HECTD2: variants seen among roughly 807,000 people sequenced by gnomAD.
HECTD2 encodes the protein HECT domain E3 ubiquitin protein ligase 2, also known as probable E3 ubiquitin-protein ligase HECTD2.
A neutral mutation model predicts 103.2 loss-of-function variants in HECTD2; 35 were observed. The ratio of observed to expected loss-of-function variants is 0.34; its 90% CI spans 0.26 to 0.45. The LOEUF is 0.45. Among genes scored for constraint, HECTD2 ranks in the 20% least tolerant of loss-of-function variants. The pLI is 1.00. For missense variants in HECTD2, 596 were observed against 937.4 expected (o/e 0.64, Z 4.76); for synonymous variants, 281 against 329.9 (o/e 0.85, Z 1.61).
intron 20 of HECTD2, among the ~76,000 whole-genome samples, chr10:91,504,235 G>C (rs1054767615): frequency 6.6e-6 from 1 of 152,196 alleles, no homozygotes; most frequent in African/African-American, 2.4e-5. Context: ...CTCCTCCAAA[G>C]GAACGCAGCT....
intron 6 of HECTD2, among the ~76,000 whole-genome samples, chr10:91,480,868 A>G (rs1846065951): frequency 6.6e-6 from 1 of 152,146 alleles, no homozygotes; most frequent in African/African-American, 2.4e-5. Flanking sequence ...AAAATGTTAT[A>G]GCCTAGTTAG....
chr10:91,483,347 A>G (rs1375575374), intron 8 of HECTD2, among the ~76,000 whole-genome samples: 2 of 151,926 alleles, frequency 1.3e-5, no homozygotes, highest in African/African-American at 2.4e-5. Context: ...GCACATTCCT[A>G]TTATTGGTTT....
At position 91,513,014 on chromosome 10, in the gene HECTD2, C is replaced by T. The variant is rs1241424544; in HGVS notation, c.*630C>T. ...AAGATTTATTTTTACAAAGTAAATT[C>T]AGGGTTTTAGATGTGTACACAGCTT... On this transcript the variant is annotated 3_prime_UTR_variant, in exon 21 of 21. Coordinates refer to ENST00000298068, the MANE Select transcript of HECTD2 (RefSeq NM_182765.6). 6.6e-6 allele frequency: 1 copy of T among 152,572 alleles called. No homozygotes were observed. The highest frequency in any genetic ancestry group is 1.5e-5 in the Non-Finnish European group (1 of 68,050). The allele number at this position is 152,572 out of a possible 1,614,324, so 9.5% of individuals were successfully genotyped here. A position where few individuals can be genotyped will look rare whatever the true frequency, so the allele number is the denominator to read the frequency against.
intron 2 of HECTD2, among the ~76,000 whole-genome samples, chr10:91,443,690 C>T (rs1383787077): frequency 6.6e-6 from 1 of 152,106 alleles, no homozygotes; most frequent in South Asian, 2.1e-4. Context: ...ACAGTCGCCC[C>T]TTCCCCCAGG....
At chr10:91,498,767 AGAAG>A (rs923715151) in intron 16 of HECTD2, 101 bp from the exon 17 acceptor site, 3 of 645,940 alleles carry the variant, frequency 4.6e-6, no homozygotes, top group South Asian at 2.1e-5. Context: ...TTATGTGTTT[AGAAG>A]GAAGGGGGAA....
intron 11 of HECTD2, 142 bp from the exon 12 acceptor site, chr10:91,491,053 CAAAAT>C (rs1447736335): frequency 2.2e-6 from 1 of 448,514 alleles, no homozygotes; most frequent in African/African-American, 2.1e-5. Flanking sequence ...TTTCACAAAT[CAAAAT>C]GTGTATAATT....
intron 2 of HECTD2, among the ~76,000 whole-genome samples, chr10:91,457,755 C>G (rs2133189131): frequency 6.6e-6 from 1 of 152,052 alleles, no homozygotes; most frequent in Non-Finnish European, 1.5e-5. Flanking sequence ...ACAAGGATGT[C>G]TGCTCTCAGC....
chr10:91,469,018 G>A (rs1269987075), intron 5 of HECTD2, among the ~76,000 whole-genome samples: 1 of 149,874 alleles, frequency 6.7e-6, no homozygotes, highest in Non-Finnish European at 1.5e-5. Flanking sequence ...GAATTTCAGA[G>A]CTCAAAGACT....
At chr10:91,443,484 C>T (rs1844453112) in intron 2 of HECTD2, among the ~76,000 whole-genome samples, 1 of 151,632 alleles carries the variant, frequency 6.6e-6, no homozygotes, top group South Asian at 2.1e-4. Context: ...TGCCAGATGC[C>T]AGCTGGAGCT....
chr10:91,491,383 CTTT>C (rs1846472945), intron 12 of HECTD2, 76 bp downstream of exon 12: 2 of 700,488 alleles, frequency 2.9e-6, no homozygotes, highest in Non-Finnish European at 4.7e-6. Flanking sequence ...TCATAGTAAA[CTTT>C]TTTATTTCTG....
intron 8 of HECTD2, 111 bp from the exon 9 acceptor site, chr10:91,484,396 G>T: frequency 7.0e-7 from 1 of 1,436,872 alleles, no homozygotes; most frequent in Non-Finnish European, 9.5e-7. Context: ...AATAGAATTT[G>T]GGGGAATAGT....
At chr10:91,489,409 A>G (rs1031283535) in intron 11 of HECTD2, 5 of 152,212 alleles carry the variant, frequency 3.3e-5, no homozygotes, top group Admixed American at 6.5e-5. Flanking sequence ...ATATGGTACA[A>G]TCTAAATATA....
At position 91,478,242 on chromosome 10, in the gene HECTD2, C is replaced by T. The variant is rs778601867; in HGVS notation, c.642C>T (p.Asn214=). The change falls in exon 6 of 21, where the codon AAC becomes AAT. Residue 214 remains asparagine, a synonymous_variant. Coordinates refer to ENST00000298068, the MANE Select transcript of HECTD2 (RefSeq NM_182765.6). ...VQKTVLKGII[N]SLLREWKGPR... ...AGACAGTATTAAAGGGAATCATTAACAGCCTGTTACGAGAATGGAAAGGGT... is the reference window on the plus strand; with the variant it reads ...AGACAGTATTAAAGGGAATCATTAATAGCCTGTTACGAGAATGGAAAGGGT... 4.6e-5 allele frequency: 74 copies of T among 1,608,124 alleles called. 1 individual carries two copies. Among genetic ancestry groups the T allele is most frequent in the Non-Finnish European group, 6.1e-5 (72 of 1,174,898 alleles).
rs878865652 is a variant in HECTD2 at position 91,512,253 on chromosome 10, T to C, written c.2211-11T>C. ...CAAGACTTAGTATTTTTTTTTAATT[T>C]TTTTCCCTAGCTTACCTGTGGCCCA... On this transcript the variant is annotated splice_polypyrimidine_tract_variant and intron_variant, in intron 20 of 20. Coordinates refer to ENST00000298068, the MANE Select transcript of HECTD2 (RefSeq NM_182765.6). The C allele has an allele frequency of 2.5e-6, 4 of 1,606,690 alleles. No individual in the cohort carries two copies. Among genetic ancestry groups the C allele is most frequent in the Non-Finnish European group, 3.4e-6 (4 of 1,177,450 alleles).
intron 1 of HECTD2, among the ~76,000 whole-genome samples, chr10:91,413,051 A>T: frequency 6.6e-6 from 1 of 152,116 alleles, no homozygotes; most frequent in East Asian, 1.9e-4. Flanking sequence ...CCCCAGCCTA[A>T]TGGTTCTGCC....
intron 2 of HECTD2, among the ~76,000 whole-genome samples, chr10:91,457,374 A>G (rs1845149450): frequency 1.3e-5 from 2 of 152,098 alleles, no homozygotes; most frequent in Admixed American, 6.6e-5. Flanking sequence ...AGAAAAAATT[A>G]CAGACCAATA....
chr10:91,433,900 A>C (rs532325757), intron 2 of HECTD2, among the ~76,000 whole-genome samples: 1 of 152,098 alleles, frequency 6.6e-6, no homozygotes, highest in Admixed American at 6.6e-5. Context: ...TGTCAAACCC[A>C]TCTCAAGGCT....
chr10:91,485,373 GT>G, intron 10 of HECTD2, 70 bp downstream of exon 10: 2 of 1,217,234 alleles, frequency 1.6e-6, no homozygotes, highest in Non-Finnish European at 1.2e-6. Flanking sequence ...TAGAGTTTAA[GT>G]TTATATGAAG....
At chr10:91,481,317 ATAAG>A (rs1472791849) in intron 7 of HECTD2, among the ~76,000 whole-genome samples, 178 bp downstream of exon 7, 2 of 151,912 alleles carry the variant, frequency 1.3e-5, no homozygotes, top group Non-Finnish European at 1.5e-5. Flanking sequence ...AGATTAAAAG[ATAAG>A]TAAGATTTTA....
Sources: gnomAD v4.1 joint callset for allele counts (sites outside exome capture counted in the v4.1 genomes callset) on GRCh38, gnomAD v4.1.1 for gene constraint, MANE v1.5 for transcripts, NCBI Gene and HGNC (gene_info 2026-07-23, HGNC 2026-07-21) for gene names.